Variants in ADAMTS3 observed in about 807,000 individuals in gnomAD.
ADAMTS3 encodes A disintegrin and metalloproteinase with thrombospondin motifs 3.
A neutral mutation model predicts 129.0 loss-of-function variants in ADAMTS3; 73 were observed. The observed-to-expected ratio is 0.57, with a 90% confidence interval of 0.47 to 0.69. The LOEUF is 0.69. Ranked by LOEUF, ADAMTS3 falls within the 30% of genes least tolerant of loss-of-function variation. ADAMTS3 has a pLI of 0.00. For missense variants in ADAMTS3, 1,457 were observed against 1,514.5 expected (o/e 0.96, Z 0.63); for synonymous variants, 477 against 510.8 (o/e 0.93, Z 0.89).
At chr4:72,370,900 T>C (rs1438044588) in intron 4 of ADAMTS3, among the ~76,000 whole-genome samples, 2 of 152,180 alleles carry the variant, frequency 1.3e-5, no homozygotes, top group African/African-American at 4.8e-5. Flanking sequence ...GGTAATGTTA[T>C]TTGGAAGTAG....
chr4:72,329,221 T>C (rs999190591), intron 5 of ADAMTS3, among the ~76,000 whole-genome samples: 2 of 152,018 alleles, frequency 1.3e-5, no homozygotes, highest in Non-Finnish European at 2.9e-5. Flanking sequence ...GGCAATGTCA[T>C]TTGAAATGGG....
chr4:72,431,983 T>TA (rs1278666656), intron 3 of ADAMTS3, among the ~76,000 whole-genome samples: 3 of 151,722 alleles, frequency 2.0e-5, no homozygotes, highest in East Asian at 3.9e-4. Context: ...TTATTAGGGA[T>TA]AAAAAAAGGT....
chr4:72,563,000 T>C (rs2679035), intron 2 of ADAMTS3, among the ~76,000 whole-genome samples: 146,853 of 152,264 alleles, frequency 0.96, 71,057 homozygotes, highest in East Asian at 1. Flanking sequence ...TTGGAATGGT[T>C]CCTAATGGAT....
intron 3 of ADAMTS3, among the ~76,000 whole-genome samples, chr4:72,533,135 T>G (rs776279956): frequency 6.6e-6 from 1 of 152,190 alleles, no homozygotes; most frequent in Non-Finnish European, 1.5e-5. Context: ...ACAAACACAT[T>G]GTACATCTGT....
intron 3 of ADAMTS3, among the ~76,000 whole-genome samples, chr4:72,512,830 G>C (rs541607807): frequency 2.8e-4 from 42 of 152,180 alleles, no homozygotes; most frequent in Non-Finnish European, 3.2e-4. Flanking sequence ...TTGAAGTTTT[G>C]TTTCCTTGGC....
chr4:72,430,109 C>T (rs1333710138), intron 3 of ADAMTS3, among the ~76,000 whole-genome samples: 4 of 152,002 alleles, frequency 2.6e-5, no homozygotes, highest in Non-Finnish European at 1.5e-5. Context: ...ATTGTATTTT[C>T]CAAAGATGGC....
chr4:72,420,041 GGAAA>G (rs1188469578), intron 3 of ADAMTS3, among the ~76,000 whole-genome samples: 4 of 151,998 alleles, frequency 2.6e-5, no homozygotes, highest in Non-Finnish European at 4.4e-5. Context: ...AGGGGAGTGG[GGAAA>G]GAATTAATTT....
chr4:72,395,942 T>C (rs1293569466), intron 4 of ADAMTS3, among the ~76,000 whole-genome samples: 1 of 152,166 alleles, frequency 6.6e-6, no homozygotes, highest in African/African-American at 2.4e-5. Context: ...CAGTTTAGGA[T>C]ACTGCTGCAG....
chr4:72,405,312 T>C (rs963457942), intron 4 of ADAMTS3, among the ~76,000 whole-genome samples: 1 of 152,084 alleles, frequency 6.6e-6, no homozygotes, highest in South Asian at 2.1e-4. Flanking sequence ...GATAGATGAA[T>C]AGATAAAGAA....
At chr4:72,530,517 TA>T (rs1326610893) in intron 3 of ADAMTS3, among the ~76,000 whole-genome samples, 4 of 58,252 alleles carry the variant, frequency 6.9e-5, no homozygotes, top group South Asian at 5.0e-4. Context: ...TATTTATATA[TA>T]AATATATTAA....
chr4:72,439,977 A>G (rs1718066249), intron 3 of ADAMTS3, among the ~76,000 whole-genome samples: 1 of 151,788 alleles, frequency 6.6e-6, no homozygotes, highest in Non-Finnish European at 1.5e-5. Context: ...TTAAAGAACT[A>G]TATCTAATAA....
chr4:72,471,772 C>G (rs933983914), intron 3 of ADAMTS3, among the ~76,000 whole-genome samples: 1 of 152,004 alleles, frequency 6.6e-6, no homozygotes, highest in African/African-American at 2.4e-5. Context: ...TTTATTATAA[C>G]TACTGTAAAA....
At chr4:72,380,238 T>C (rs1327155308) in intron 4 of ADAMTS3, among the ~76,000 whole-genome samples, 1 of 152,092 alleles carries the variant, frequency 6.6e-6, no homozygotes, top group African/African-American at 2.4e-5. Context: ...TTCCTGGCTG[T>C]GGTACAAGAG....
At chr4:72,487,500 A>G (rs923598155) in intron 3 of ADAMTS3, among the ~76,000 whole-genome samples, 1 of 152,118 alleles carries the variant, frequency 6.6e-6, no homozygotes, top group African/African-American at 2.4e-5. Context: ...ACAGATGCCC[A>G]TCTCTGTCTG....
chr4:72,533,474 G>T (rs1004399623), intron 3 of ADAMTS3, among the ~76,000 whole-genome samples: 3 of 151,812 alleles, frequency 2.0e-5, no homozygotes, highest in Non-Finnish European at 4.4e-5. Flanking sequence ...ACACTCTAAA[G>T]TAATGATTAA....
At chr4:72,365,324 T>C (rs115638339) in intron 4 of ADAMTS3, among the ~76,000 whole-genome samples, 2,129 of 152,336 alleles carry the variant, frequency 0.014, 59 homozygotes, top group African/African-American at 0.047. Context: ...GTAAATATTT[T>C]ACTCATTCTT....
Position 72,548,345 on chromosome 4 carries a change from G to C in ADAMTS3, c.504+133C>G, listed in dbSNP as rs1242548759. The C allele has an allele frequency of 1.5e-5, 14 of 921,062 alleles. No homozygotes were observed. The Admixed American group carries it at 4.1e-4, about 27-fold the overall frequency. 57.1% of individuals were successfully genotyped at this position (921,062 alleles called of 1,614,324 possible). ...ATCTTTGACAGCAAAATGCTTTCTA[G>C]TGTCTTTTTCTGAACTTAAAATGTA... On this transcript the variant is annotated intron_variant, in intron 3 of 21. Transcript: ENST00000286657.
At position 72,309,557 on chromosome 4, in the gene ADAMTS3, T is replaced by C. The variant is rs756350128; in HGVS notation, c.2056-37A>G. 8 of 1,608,474 alleles carry C rather than the reference T, an allele frequency of 5.0e-6. No homozygotes were observed. In the Admixed American group the frequency reaches 5.0e-5, roughly 10 times the overall value. ...AGATGTCAAATGTGGCTAATTTTAG[T>C]GTGCCCAGTAGTGGTCAACATCCCA... is the stretch of plus-strand genomic sequence containing the variant. On this transcript the variant is annotated intron_variant, in intron 14 of 21. Transcript: ENST00000286657.
intron 19 of ADAMTS3, among the ~76,000 whole-genome samples, chr4:72,294,623 T>A (rs1325718875): frequency 6.6e-6 from 1 of 151,916 alleles, no homozygotes; most frequent in Non-Finnish European, 1.5e-5. Flanking sequence ...CAACGATGAG[T>A]AAAAATGAGC....
Sources: gnomAD v4.1 joint callset for allele counts (sites outside exome capture counted in the v4.1 genomes callset) on GRCh38, gnomAD v4.1.1 for gene constraint, MANE v1.5 for transcripts, NCBI Gene and HGNC (gene_info 2026-07-23, HGNC 2026-07-21) for gene names.